The following PHF14 variants were observed in gnomAD, a reference collection of about 807,000 sequenced individuals.
PHF14 encodes PHD finger protein 14.
Under a neutral mutation model 117.9 loss-of-function variants are expected in PHF14, and 55 were observed. The observed-to-expected ratio is 0.47, with a 90% CI of 0.38 to 0.58. The LOEUF (loss-of-function observed/expected upper bound fraction) is 0.58. Ranked by LOEUF, PHF14 falls within the 20% of genes least tolerant of loss-of-function variation. The pLI is 0.00. For synonymous variants in PHF14, 409 were observed against 368.6 expected (o/e 1.11, Z -1.26); for missense variants, 978 against 1,122.2 (o/e 0.87, Z 1.84).
intron 17 of PHF14, among the ~76,000 whole-genome samples, chr7:11,157,696 A>G (rs1788906908): frequency 6.6e-6 from 1 of 152,218 alleles, no homozygotes; most frequent in African/African-American, 2.4e-5. Flanking sequence ...CAAGCGTTTA[A>G]AAACATGACA....
intron 4 of PHF14, among the ~76,000 whole-genome samples, chr7:11,012,775 T>C (rs1324999481): frequency 1.3e-5 from 2 of 152,224 alleles, no homozygotes; most frequent in Non-Finnish European, 2.9e-5. Context: ...GAATGACATA[T>C]TGTTTTCATC....
chr7:11,008,719 T>C (rs2128314890), intron 4 of PHF14, among the ~76,000 whole-genome samples: 1 of 152,262 alleles, frequency 6.6e-6, no homozygotes, highest in Admixed American at 6.5e-5. Context: ...ACTGTCTTTC[T>C]CGTAAACAAT....
intron 17 of PHF14, among the ~76,000 whole-genome samples, chr7:11,151,999 A>G (rs1583505627): frequency 6.6e-6 from 1 of 152,356 alleles, no homozygotes. Context: ...AAATATTTTC[A>G]GAATAGTAGA....
At chr7:11,112,984 T>G (rs1372016118) in intron 17 of PHF14, among the ~76,000 whole-genome samples, 1 of 152,034 alleles carries the variant, frequency 6.6e-6, no homozygotes, top group Non-Finnish European at 1.5e-5. Flanking sequence ...TTCCCAAAAT[T>G]TTATTTAAAT....
At chr7:11,011,730 G>A (rs1783364010) in intron 4 of PHF14, among the ~76,000 whole-genome samples, 1 of 152,136 alleles carries the variant, frequency 6.6e-6, no homozygotes, top group Non-Finnish European at 1.5e-5. Context: ...TTTGAAGGAT[G>A]TTTTACATTA....
chr7:11,034,706 G>A (rs1784254506), intron 7 of PHF14, among the ~76,000 whole-genome samples: 1 of 151,814 alleles, frequency 6.6e-6, no homozygotes, highest in South Asian at 2.1e-4. Context: ...ATGCCACTGT[G>A]CCTGGCTAAT....
intron 17 of PHF14, among the ~76,000 whole-genome samples, chr7:11,122,427 ACGTATATATATATACG>A (rs767205036): frequency 0.019 from 2,381 of 127,454 alleles, 122 homozygotes; most frequent in East Asian, 0.1. Context: ...ATATATATAC[ACGTATATATATATACG>A]TATATATATA....
intron 5 of PHF14, among the ~76,000 whole-genome samples, chr7:11,016,723 T>C (rs1353809257): frequency 2.6e-5 from 4 of 152,188 alleles, no homozygotes; most frequent in Non-Finnish European, 4.4e-5. Flanking sequence ...CTCAAACACT[T>C]GTCTTTTGAG....
At chr7:11,021,590 G>C (rs1227899906) in intron 5 of PHF14, among the ~76,000 whole-genome samples, 1 of 152,028 alleles carries the variant, frequency 6.6e-6, no homozygotes, top group African/African-American at 2.4e-5. Flanking sequence ...CCAGCTGTTA[G>C]GTTTATCAGA....
At chr7:11,160,842 AC>A (rs916751964) in intron 17 of PHF14, among the ~76,000 whole-genome samples, 19 of 152,172 alleles carry the variant, frequency 1.2e-4, no homozygotes, top group African/African-American at 4.6e-4. Flanking sequence ...GTTTGTGAAT[AC>A]CTTCTCCCAT....
chr7:11,086,582 G>A lies in PHF14; in HGVS notation c.2654+24497G>A, dbSNP rs571553282. ...AAATTAATTTTAATATTCCAGGTCC[G>A]AAGCCAATGCTTATCACATAGTATG... On this transcript the variant is annotated intron_variant, in intron 16 of 17. Transcript: ENST00000634607. 8.5e-5 allele frequency among the ~76,000 whole-genome samples: 13 copies of A among 152,110 alleles called. 1 individual carries two copies. The South Asian group carries it at 2.3e-3, about 27-fold the overall frequency.
chr7:11,084,113 C>T (rs1476996476), intron 16 of PHF14, among the ~76,000 whole-genome samples: 1 of 152,088 alleles, frequency 6.6e-6, no homozygotes, highest in Non-Finnish European at 1.5e-5. Flanking sequence ...AAAATAATTA[C>T]AGAACTTAAA....
chr7:11,051,243 A>G lies in PHF14; in HGVS notation c.2313-369A>G, dbSNP rs1052812409. Among the ~76,000 whole-genome samples the G allele has an allele frequency of 7.3e-5, 11 of 151,404 alleles. No individual in the cohort carries two copies. In the East Asian group the frequency reaches 2.1e-3, roughly 30 times the overall value. On this transcript the variant is annotated intron_variant, in intron 13 of 17. Transcript: ENST00000634607. ...TTTTTTGTGAAGACAGTCTCTCACT[A>G]TGTTGTGAGCAGTCATCCTGCCTCA...
Position 11,062,034 on chromosome 7 carries a change from G to T in PHF14, c.2603G>T (p.Arg868Ile). The T allele has an allele frequency of 6.2e-7, 1 of 1,607,532 alleles. No individual in the cohort carries two copies. Among genetic ancestry groups the T allele is most frequent in the Non-Finnish European group, 8.5e-7 (1 of 1,176,584 alleles). Residue 868 changes from arginine (R) to isoleucine (I), a missense_variant, in exon 16 of 18, where the codon AGA (arginine) becomes ATA (isoleucine). By Grantham distance (97) the Arg-to-Ile change is moderately conservative (BLOSUM62 -3). Around this residue, in one of 7 missense-constraint regions of PHF14, gnomAD observed 180 missense variants for 195.4 expected, o/e 0.92. Coordinates refer to ENST00000634607, the MANE Select transcript of PHF14 (RefSeq NM_001007157.2). ...LQKKPKAEDL[R>I]TECATCKGTG... ...AAGAAGCCCAAGGCTGAAGATTTAA[G>T]AACTGAATGTGCAACTTGCAAGGGA...
chr7:11,074,108 T>C (rs1023938183), intron 16 of PHF14, among the ~76,000 whole-genome samples: 13 of 152,228 alleles, frequency 8.5e-5, no homozygotes, highest in African/African-American at 3.1e-4. Flanking sequence ...GTCTTGGCTA[T>C]TATCATTTGT....
intron 17 of PHF14, among the ~76,000 whole-genome samples, chr7:11,138,816 A>T (rs1253757942): frequency 6.6e-6 from 1 of 152,104 alleles, no homozygotes; most frequent in Admixed American, 6.6e-5. Context: ...TTTTATACTC[A>T]ATTTCAGTGT....
chr7:11,083,581 C>G (rs965724174), intron 16 of PHF14, among the ~76,000 whole-genome samples: 3 of 151,224 alleles, frequency 2.0e-5, no homozygotes, highest in Non-Finnish European at 2.9e-5. Context: ...CTGCCTCAGC[C>G]TCCCGAGTAG....
At chr7:11,046,013 A>G (rs181975144) in intron 13 of PHF14, among the ~76,000 whole-genome samples, 2 of 152,334 alleles carry the variant, frequency 1.3e-5, no homozygotes, top group Admixed American at 1.3e-4. Context: ...AGGTTGGGCC[A>G]GGGATGTGAA....
chr7:11,014,616 A>C (rs1023602469), intron 5 of PHF14, among the ~76,000 whole-genome samples: 2 of 151,834 alleles, frequency 1.3e-5, no homozygotes, highest in Non-Finnish European at 1.5e-5. Flanking sequence ...AGGAGGAAGT[A>C]CTCCACCCAT....
Sources: allele counts gnomAD v4.1 joint callset (sites outside exome capture counted in the v4.1 genomes callset), GRCh38; gene constraint gnomAD v4.1.1; regional missense constraint gnomAD v4.1.1; transcripts MANE v1.5; gene names NCBI Gene and HGNC (gene_info 2026-07-23, HGNC 2026-07-21).